The following INTS9 variants were observed in gnomAD, a reference collection of about 807,000 sequenced individuals.
INTS9 encodes protein related to CPSF subunits of 74 kDa.
INTS9 carries 55 observed loss-of-function variants against 79.7 expected under a neutral mutation model. The observed-to-expected ratio is 0.69, with a 90% CI of 0.56 to 0.86. The LOEUF (loss-of-function observed/expected upper bound fraction) is 0.86. Among genes scored for constraint, INTS9 ranks in the 40% least tolerant of loss-of-function variants. The pLI is 0.00. For missense variants in INTS9, 721 were observed against 831.5 expected (o/e 0.87, Z 1.64); for synonymous variants, 319 against 325.2 (o/e 0.98, Z 0.20).
intron 7 of INTS9, among the ~76,000 whole-genome samples, chr8:28,813,278 C>T (rs372915375): frequency 9.3e-4 from 141 of 152,234 alleles, no homozygotes; most frequent in African/African-American, 2.2e-3. Flanking sequence ...ACTCCCTGCA[C>T]GCTGGCCAAT....
At position 28,842,853 on chromosome 8, in the gene INTS9, T is replaced by C. The variant is rs544669070; in HGVS notation, c.261+3894A>G. Reference sequence around the variant, plus strand: ...ATGGTGTAATCCTTCCAGATTTTCATGATGTTCTATTGGGGTCCCCTTCGA... The same window carrying C: ...ATGGTGTAATCCTTCCAGATTTTCACGATGTTCTATTGGGGTCCCCTTCGA... On this transcript the variant is annotated intron_variant, in intron 4 of 16. Coordinates refer to ENST00000521022, the MANE Select transcript of INTS9 (RefSeq NM_018250.4). Among the ~76,000 whole-genome samples, 4 of 152,342 alleles carry C rather than the reference T, an allele frequency of 2.6e-5. No homozygotes were observed. In the South Asian group the frequency reaches 6.2e-4, roughly 24 times the overall value.
chr8:28,769,698 A>T lies in INTS9; in HGVS notation c.1800+191T>A, dbSNP rs569736482. The T allele has an allele frequency of 2.1e-5, 14 of 661,086 alleles. 1 individual carries two copies. The South Asian group carries it at 2.9e-4, about 14-fold the overall frequency. The allele number at this position is 661,086 out of a possible 1,614,324, so 41.0% of individuals were successfully genotyped here. On this transcript the variant is annotated intron_variant, in intron 16 of 16. Coordinates refer to ENST00000521022, the MANE Select transcript of INTS9 (RefSeq NM_018250.4). ...TGGTGACCTCGTGCTGGGAGGAAGG[A>T]TGGGGCACTCCTCACTCTGCTTTCT...
At chr8:28,837,830 ATG>A (rs1806904705) in intron 4 of INTS9, 54 bp from the exon 5 acceptor site, 1 of 1,517,980 alleles carries the variant, frequency 6.6e-7, no homozygotes, top group African/African-American at 1.4e-5. Context: ...GATCAATATG[ATG>A]TGACTAAAAA....
intron 15 of INTS9, 94 bp from the exon 16 acceptor site, chr8:28,770,120 C>T (rs1381919719): frequency 4.1e-6 from 6 of 1,459,738 alleles, no homozygotes; most frequent in Non-Finnish European, 5.5e-6. Flanking sequence ...ATCCTGTCCT[C>T]ACAGGCCACA....
intron 8 of INTS9, among the ~76,000 whole-genome samples, chr8:28,807,647 G>A (rs919692163): frequency 2.1e-4 from 32 of 152,190 alleles, no homozygotes; most frequent in African/African-American, 7.5e-4. Context: ...GATCTCACAT[G>A]CTCAAAAGCA....
chr8:28,889,815 A>C, intron 1 of INTS9, 59 bp downstream of exon 1: 1 of 1,600,714 alleles, frequency 6.2e-7, no homozygotes, highest in East Asian at 2.2e-5. Flanking sequence ...GTAGGAAAAA[A>C]AGAGGTCCAA....
intron 6 of INTS9, among the ~76,000 whole-genome samples, chr8:28,820,848 A>T (rs534621894): frequency 6.6e-6 from 1 of 152,276 alleles, no homozygotes; most frequent in Non-Finnish European, 1.5e-5. Context: ...GACTACATGC[A>T]GGTTAAAAGG....
chr8:28,859,192 T>C (rs80152698), intron 2 of INTS9, among the ~76,000 whole-genome samples: 5,328 of 152,270 alleles, frequency 0.035, 333 homozygotes, highest in African/African-American at 0.12. Context: ...ACCTCAGTTG[T>C]ACTGAGCAGT....
At chr8:28,795,279 T>C (rs1437350099) in intron 9 of INTS9, among the ~76,000 whole-genome samples, 3 of 151,996 alleles carry the variant, frequency 2.0e-5, no homozygotes, top group African/African-American at 7.2e-5. Context: ...GGCAGGGACT[T>C]TGGGAAGTGA....
intron 6 of INTS9, among the ~76,000 whole-genome samples, chr8:28,834,666 G>T (rs190681005): frequency 1.3e-5 from 2 of 148,426 alleles, no homozygotes; most frequent in Admixed American, 1.3e-4. Flanking sequence ...AGCACTGGGG[G>T]CAAACATCTG....
chr8:28,833,099 A>G (rs903823268), intron 6 of INTS9, among the ~76,000 whole-genome samples: 5 of 152,244 alleles, frequency 3.3e-5, no homozygotes, highest in African/African-American at 1.2e-4. Flanking sequence ...AAAGGAATGC[A>G]CGGAGGAGAC....
chr8:28,820,916 T>TA (rs34592655), intron 6 of INTS9, among the ~76,000 whole-genome samples: 11 of 150,838 alleles, frequency 7.3e-5, no homozygotes, highest in African/African-American at 1.2e-4. Flanking sequence ...GGTAAAAGTG[T>TA]AAAAAAAAAG....
chr8:28,811,365 C>A (rs1039083993), intron 8 of INTS9, among the ~76,000 whole-genome samples: 26 of 152,028 alleles, frequency 1.7e-4, no homozygotes, highest in Admixed American at 1.6e-3. Context: ...CTAAAGTGAT[C>A]CACTCGCCTT....
intron 6 of INTS9, among the ~76,000 whole-genome samples, chr8:28,827,780 C>G (rs377195209): frequency 6.3e-4 from 96 of 152,362 alleles, no homozygotes; most frequent in African/African-American, 1.9e-3. Context: ...ACTATCTTTG[C>G]TCTAATCCTA....
At chr8:28,839,027 G>T (rs1396155096) in intron 4 of INTS9, among the ~76,000 whole-genome samples, 1 of 152,140 alleles carries the variant, frequency 6.6e-6, no homozygotes, top group Non-Finnish European at 1.5e-5. Context: ...GTCACTCACA[G>T]GGCCCTCCAC....
At position 28,773,665 on chromosome 8, in the gene INTS9, G is replaced by A. The variant is rs1424114982; in HGVS notation, c.1563+2094C>T. ...CTCCCGAGTAGCTGCGATTACAGGC[G>A]CCTGCCACCACGCCTGTGGCTAATT... On this transcript the variant is annotated intron_variant, in intron 14 of 16. Coordinates refer to ENST00000521022, the MANE Select transcript of INTS9 (RefSeq NM_018250.4). Among the ~76,000 whole-genome samples the A allele has an allele frequency of 8.2e-5, 12 of 146,032 alleles. No individual in the cohort carries two copies. In the East Asian group the frequency reaches 1.0e-3, roughly 12 times the overall value.
intron 6 of INTS9, among the ~76,000 whole-genome samples, chr8:28,821,166 G>A (rs1445957731): frequency 6.6e-6 from 1 of 152,082 alleles, no homozygotes; most frequent in Non-Finnish European, 1.5e-5. Flanking sequence ...CACAATAAAC[G>A]ACCCAGAGGA....
chr8:28,793,851 AG>A lies in INTS9; in HGVS notation c.992del (p.Pro331LeufsTer43). On this transcript the variant is annotated frameshift_variant, in exon 10 of 17. Coordinates refer to ENST00000521022, the MANE Select transcript of INTS9 (RefSeq NM_018250.4). LOFTEE classifies it high-confidence loss of function. Reference sequence around the variant, plus strand: ...AAAACTCCAGTGAACTGTTGGCCACAGGGGAGATGAAGTAGAGGGGGACGCT... The same window carrying A: ...AAAACTCCAGTGAACTGTTGGCCACAGGGAGATGAAGTAGAGGGGGACGCT... ...LSSVPLYFIS[P>X]VANSSLEFSQ... 6.2e-7 allele frequency: 1 copy of A among 1,613,606 alleles called. No individual in the cohort carries two copies. Among genetic ancestry groups the A allele is most frequent in the Non-Finnish European group, 8.5e-7 (1 of 1,179,870 alleles).
chr8:28,813,792 C>T, intron 6 of INTS9, 180 bp from the exon 7 acceptor site: 1 of 611,002 alleles, frequency 1.6e-6, no homozygotes, highest in Admixed American at 3.4e-5. Context: ...GACAGAGTCT[C>T]ACTGTGTCAC....
Sources: gnomAD v4.1 joint callset for allele counts (sites outside exome capture counted in the v4.1 genomes callset) on GRCh38, gnomAD v4.1.1 for gene constraint, MANE v1.5 for transcripts, NCBI Gene and HGNC (gene_info 2026-07-23, HGNC 2026-07-21) for gene names.